PAXBP1: variants seen among roughly 807,000 people sequenced by gnomAD.
PAXBP1 encodes the protein PAX3- and PAX7-binding protein 1.
PAXBP1 carries 44 observed loss-of-function variants against 119.9 expected under a neutral mutation model. The ratio of observed to expected loss-of-function variants is 0.37; its 90% CI spans 0.29 to 0.47. PAXBP1 has a LOEUF of 0.47. Ranked by LOEUF, PAXBP1 falls within the 20% of genes least tolerant of loss-of-function variation. The pLI, the probability that PAXBP1 is intolerant of heterozygous loss-of-function variation, is 0.99. For synonymous variants in PAXBP1, 393 were observed against 406.6 expected, an observed-to-expected ratio of 0.97 and a Z score of 0.40; for missense variants, 898 against 1,134.1, an observed-to-expected ratio of 0.79 and a Z score of 2.99.
rs1256639203 is a variant in PAXBP1, at chr21:32,743,007, TAGTC to T, written c.2334+237_2334+240del. On this transcript the variant is annotated intron_variant, in intron 15 of 17. Coordinates refer to ENST00000331923, the MANE Select transcript of PAXBP1 (RefSeq NM_016631.4). ...CTTGCTGAAAAAATTAATTGTGGCT[TAGTC>T]AGGCATTTCGTTGAGTACGATGGAC... 8 of 608,326 alleles carry T rather than the reference TAGTC, an allele frequency of 1.3e-5. No individual in the cohort carries two copies. The East Asian group carries it at 1.5e-4, about 11-fold the overall frequency. 37.7% of individuals were successfully genotyped at this position (608,326 alleles called of 1,614,324 possible).
chr21:32,765,688 C>T (rs1270774376), intron 2 of PAXBP1, among the ~76,000 whole-genome samples: 2 of 151,928 alleles, frequency 1.3e-5, no homozygotes, highest in Admixed American at 6.5e-5. Context: ...TTTAGGTAAC[C>T]TCTTTTAGGC....
chr21:32,753,639 T>C (rs2043998170), intron 8 of PAXBP1, among the ~76,000 whole-genome samples: 2 of 152,166 alleles, frequency 1.3e-5, no homozygotes. Context: ...AAAAAACAGA[T>C]CAGAAAATGA....
chr21:32,754,300 G>A (rs2044008417), intron 8 of PAXBP1, among the ~76,000 whole-genome samples: 1 of 152,164 alleles, frequency 6.6e-6, no homozygotes, highest in South Asian at 2.1e-4. Context: ...GGATGCTGAA[G>A]ACCTAGTAAG....
chr21:32,761,207 C>A (rs758126641), intron 4 of PAXBP1, 45 bp from the exon 5 acceptor site: 13 of 1,448,420 alleles, frequency 9.0e-6, no homozygotes, highest in Non-Finnish European at 1.3e-5. Flanking sequence ...ACCCAAAGAG[C>A]AAAGAGGTAA....
At chr21:32,744,331 A>T (rs1037552675) in intron 13 of PAXBP1, among the ~76,000 whole-genome samples, 1 of 151,772 alleles carries the variant, frequency 6.6e-6, no homozygotes, top group African/African-American at 2.4e-5. Flanking sequence ...GTATTAAGAC[A>T]GTTTACAAAT....
At chr21:32,761,337 G>GT (rs1426513168) in intron 4 of PAXBP1, among the ~76,000 whole-genome samples, 175 bp from the exon 5 acceptor site, 1 of 152,184 alleles carries the variant, frequency 6.6e-6, no homozygotes, top group African/African-American at 2.4e-5. Flanking sequence ...TTTAAACACA[G>GT]TATTCCTTGA....
intron 2 of PAXBP1, among the ~76,000 whole-genome samples, chr21:32,768,535 T>C (rs1234181747): frequency 1.3e-5 from 2 of 152,200 alleles, no homozygotes; most frequent in Non-Finnish European, 2.9e-5. Flanking sequence ...TTTTAACTCA[T>C]CCAGAATTTC....
At chr21:32,742,231 T>C (rs1448753569) in intron 15 of PAXBP1, 3 of 152,188 alleles carry the variant, frequency 2.0e-5, no homozygotes, top group Non-Finnish European at 2.9e-5. Context: ...TTTTACCGTA[T>C]GTAAATTATA....
chr21:32,736,014 C>T (rs1222407963), intron 17 of PAXBP1, among the ~76,000 whole-genome samples: 1 of 152,156 alleles, frequency 6.6e-6, no homozygotes, highest in Non-Finnish European at 1.5e-5. Flanking sequence ...TGATATTTAA[C>T]TTCCAAACAG....
At chr21:32,769,394 A>G (rs986233076) in intron 2 of PAXBP1, among the ~76,000 whole-genome samples, 2 of 152,114 alleles carry the variant, frequency 1.3e-5, no homozygotes, top group Admixed American at 1.3e-4. Flanking sequence ...GGGCATTCCT[A>G]AAAGTTCTCT....
At chr21:32,749,947 A>T (rs531230005) in intron 10 of PAXBP1, among the ~76,000 whole-genome samples, 1 of 152,312 alleles carries the variant, frequency 6.6e-6, no homozygotes, top group East Asian at 1.9e-4. Flanking sequence ...CATGAACCTT[A>T]GGTGGATCCT....
chr21:32,743,343 G>A (rs752967269), intron 14 of PAXBP1, 29 bp from the exon 15 acceptor site: 1 of 1,431,364 alleles, frequency 7.0e-7, no homozygotes, highest in Non-Finnish European at 9.5e-7. Flanking sequence ...AACATATCAT[G>A]ATCAGATATT....
chr21:32,738,167 A>G lies in PAXBP1; in HGVS notation c.2481+6T>C, dbSNP rs1445995991. On this transcript the variant is annotated splice_donor_region_variant and intron_variant, in intron 16 of 17. Coordinates refer to ENST00000331923, the MANE Select transcript of PAXBP1 (RefSeq NM_016631.4). ...CTTTAAAAACTGTACTATGCATTTA[A>G]CTCACATTTTGGGCTTTTTTGATGC... is the stretch of plus-strand genomic sequence containing the variant. 3 of 1,565,350 alleles carry G rather than the reference A, an allele frequency of 1.9e-6. No homozygotes were observed. The highest frequency in any genetic ancestry group is 2.6e-6 in the Non-Finnish European group (3 of 1,163,440).
intron 13 of PAXBP1, among the ~76,000 whole-genome samples, chr21:32,744,285 AAAAG>A (rs1394829973): frequency 2.0e-5 from 3 of 151,226 alleles, no homozygotes; most frequent in Non-Finnish European, 3.0e-5. Context: ...AAGAAAAAAA[AAAAG>A]GAGGGGGGCG....
In PAXBP1 at chr21:32,737,511, C is replaced by T. The variant is rs568313583; in HGVS notation, c.2482-103G>A. 3.1e-4 allele frequency: 296 copies of T among 956,248 alleles called. 2 individuals are homozygous for T. The African/African-American group carries it at 4.5e-3, about 15-fold the overall frequency. The allele number at this position is 956,248 out of a possible 1,614,324, so 59.2% of individuals were successfully genotyped here. ...GGTATAAATGTATTTCACCAGAAGACGTGCTTCTGAGCTACAGCAATTACT... is the reference window on the plus strand; with the variant it reads ...GGTATAAATGTATTTCACCAGAAGATGTGCTTCTGAGCTACAGCAATTACT... On this transcript the variant is annotated intron_variant, in intron 16 of 17. Transcript: ENST00000331923.
chr21:32,771,164 C>G (rs763037326), intron 1 of PAXBP1, among the ~76,000 whole-genome samples, 162 bp downstream of exon 1: 1 of 152,172 alleles, frequency 6.6e-6, no homozygotes, highest in Non-Finnish European at 1.5e-5. Context: ...GTCCCTTGCC[C>G]GAGCAGAAGG....
At chr21:32,751,553 A>C in intron 8 of PAXBP1, 1 of 179,850 alleles carries the variant, frequency 5.6e-6, no homozygotes, top group South Asian at 1.2e-4. Flanking sequence ...TTAAAACTCT[A>C]AATTACCTGT....
chr21:32,750,442 T>C (rs568554326), intron 10 of PAXBP1, among the ~76,000 whole-genome samples: 1 of 152,360 alleles, frequency 6.6e-6, no homozygotes, highest in Admixed American at 6.5e-5. Context: ...CAAACAATTA[T>C]AGCCAATGGT....
At chr21:32,767,104 C>T (rs138569050) in intron 2 of PAXBP1, among the ~76,000 whole-genome samples, 256 of 152,308 alleles carry the variant, frequency 1.7e-3, no homozygotes, top group Middle Eastern at 6.8e-3. Context: ...ATAAGCACCA[C>T]CCCCAAATCT....
Sources: gnomAD v4.1 joint callset for allele counts (sites outside exome capture counted in the v4.1 genomes callset) on GRCh38, gnomAD v4.1.1 for gene constraint, MANE v1.5 for transcripts, NCBI Gene and HGNC (gene_info 2026-07-23, HGNC 2026-07-21) for gene names.